RNF169: variants seen among roughly 807,000 people sequenced by gnomAD.
RNF169 encodes the protein ring finger protein 169.
In RNF169, 24 loss-of-function variants were observed where a neutral mutation model predicts 53.9. The observed-to-expected ratio is 0.45, with a 90% CI of 0.32 to 0.63. RNF169 has a LOEUF of 0.63. RNF169 is among the 20% of genes least tolerant of loss of function. The pLI is 0.04. For missense variants in RNF169, 883 were observed against 906.2 expected, an observed-to-expected ratio of 0.97 and a Z score of 0.33; for synonymous variants, 396 against 363.5, an observed-to-expected ratio of 1.09 and a Z score of -1.02.
chr11:74,799,492 TACTC>T (rs1259332228), intron 2 of RNF169, among the ~76,000 whole-genome samples: 10 of 152,190 alleles, frequency 6.6e-5, no homozygotes, highest in Non-Finnish European at 1.2e-4. Flanking sequence ...AATAGCAGGT[TACTC>T]AGGTTATTTC....
intron 1 of RNF169, among the ~76,000 whole-genome samples, chr11:74,778,681 C>T (rs140392208): frequency 1.3e-5 from 2 of 152,298 alleles, no homozygotes; most frequent in East Asian, 1.9e-4. Context: ...AGTATTTTTA[C>T]GTAGCAGCCT....
intron 1 of RNF169, among the ~76,000 whole-genome samples, chr11:74,757,057 T>A (rs946867606): frequency 2.0e-5 from 3 of 147,462 alleles, no homozygotes; most frequent in African/African-American, 7.7e-5. Context: ...GCAGGTTAGT[T>A]ACATATGTAT....
intron 2 of RNF169, among the ~76,000 whole-genome samples, chr11:74,804,358 A>T (rs76510555): frequency 0.021 from 3,233 of 152,318 alleles, 113 homozygotes; most frequent in African/African-American, 0.074. Context: ...TTTGTAAAAT[A>T]ACAATTTGTG....
At position 74,749,276 on chromosome 11, in the gene RNF169, C is replaced by T. The variant is rs1419156523; in HGVS notation, c.396C>T (p.Cys132=). Residue 132 remains cysteine, a synonymous_variant, in exon 1 of 6, where the codon TGC becomes TGT. Coordinates refer to ENST00000299563, the MANE Select transcript of RNF169 (RefSeq NM_001098638.2). Reference sequence around the variant, plus strand: ...CCGACTCAGAGGTGCTGGGCGAGTGCGCCCGCCGCAGCCAACCCGAGCGCT... The same window carrying T: ...CCGACTCAGAGGTGCTGGGCGAGTGTGCCCGCCGCAGCCAACCCGAGCGCT... The part of the protein sequence containing the change: ...GQADSEVLGE[C]ARRSQPERCR... 8.7e-7 allele frequency: 1 copy of T among 1,144,682 alleles called. No homozygotes were observed. The highest frequency in any genetic ancestry group is 1.1e-6 in the Non-Finnish European group (1 of 933,082). 70.9% of individuals were successfully genotyped at this position (1,144,682 alleles called of 1,614,324 possible). A position where few individuals can be genotyped will look rare whatever the true frequency, so the allele number is the denominator to read the frequency against.
chr11:74,834,911 C>T (rs2036230804), intron 5 of RNF169, 136 bp downstream of exon 5: 1 of 569,642 alleles, frequency 1.8e-6, no homozygotes. Context: ...TGGAGAAGTC[C>T]ACAAACAGAT....
intron 1 of RNF169, among the ~76,000 whole-genome samples, chr11:74,782,444 A>G (rs983017425): frequency 3.3e-5 from 5 of 152,194 alleles, no homozygotes; most frequent in African/African-American, 4.8e-5. Flanking sequence ...TGTGCATGCA[A>G]GGGATCTAGG....
At position 74,748,951 on chromosome 11, in the gene RNF169, G is replaced by C. The variant is rs754811325; in HGVS notation, c.71G>C (p.Arg24Pro). ...GCAGCCGCTCTGAGTCGGCGGGGCC[G>C]GCGGGGCCGCTGTGACGAGACGGCG... The part of the protein sequence containing the change: ...AAAAALSRRG[R>P]RGRCDETAAA... The change falls in exon 1 of 6, where the codon CGG (arginine) becomes CCG (proline). Residue 24 changes from arginine to proline, a missense_variant. By Grantham distance (103) the Arg-to-Pro change is moderately radical. Coordinates refer to ENST00000299563, the MANE Select transcript of RNF169 (RefSeq NM_001098638.2). 1.4e-6 allele frequency: 2 copies of C among 1,466,130 alleles called. No individual in the cohort carries two copies. The highest frequency in any genetic ancestry group is 2.9e-5 in the East Asian group (1 of 34,610). 90.8% of individuals were successfully genotyped at this position (1,466,130 alleles called of 1,614,324 possible).
chr11:74,791,740 C>T (rs557372139), intron 2 of RNF169, among the ~76,000 whole-genome samples: 95 of 152,298 alleles, frequency 6.2e-4, no homozygotes, highest in African/African-American at 2.0e-3. Context: ...GAGGTAGGGG[C>T]GCATCCTGGG....
intron 1 of RNF169, among the ~76,000 whole-genome samples, chr11:74,776,703 C>A (rs1218954988): frequency 1.3e-5 from 2 of 152,086 alleles, no homozygotes; most frequent in African/African-American, 4.8e-5. Context: ...GTAATTCTCT[C>A]TGGGTTAGTG....
intron 2 of RNF169, among the ~76,000 whole-genome samples, chr11:74,809,163 A>G (rs2035842075): frequency 6.6e-6 from 1 of 152,118 alleles, no homozygotes; most frequent in East Asian, 1.9e-4. Flanking sequence ...CCTATCAAAA[A>G]TATCCATTTG....
intron 1 of RNF169, among the ~76,000 whole-genome samples, chr11:74,767,812 C>T (rs1238104755): frequency 2.0e-5 from 3 of 151,874 alleles, no homozygotes; most frequent in African/African-American, 4.8e-5. Context: ...CTCCTGACCT[C>T]GTGATCCGCC....
chr11:74,827,482 G>T (rs1208293490), intron 4 of RNF169, among the ~76,000 whole-genome samples: 1 of 152,140 alleles, frequency 6.6e-6, no homozygotes, highest in East Asian at 1.9e-4. Flanking sequence ...GCAAATTTCT[G>T]CAGCTGAGTT....
chr11:74,832,509 T>A (rs1454953346), intron 4 of RNF169: 3 of 152,162 alleles, frequency 2.0e-5, no homozygotes, highest in Admixed American at 2.0e-4. Flanking sequence ...AGCCTGTTTT[T>A]AAAAATTAAG....
Position 74,836,868 on chromosome 11 carries a change from T to C in RNF169, c.*138T>C. 3.0e-6 allele frequency: 2 copies of C among 664,830 alleles called. No individual in the cohort carries two copies. Among genetic ancestry groups the C allele is most frequent in the South Asian group, 2.1e-5 (1 of 48,630 alleles). The allele number at this position is 664,830 out of a possible 1,614,324, so 41.2% of individuals were successfully genotyped here. A position where few individuals can be genotyped will look rare whatever the true frequency, so the allele number is the denominator to read the frequency against. ...TGGTTCTGAGAGGTTCCAGGGCCTT[T>C]GTAGTCAATATCCAAGGGAAAAGCA... On this transcript the variant is annotated 3_prime_UTR_variant, in exon 6 of 6. Coordinates refer to ENST00000299563, the MANE Select transcript of RNF169 (RefSeq NM_001098638.2).
intron 1 of RNF169, among the ~76,000 whole-genome samples, chr11:74,766,361 G>GTGAT (rs1244490029): frequency 2.0e-5 from 3 of 152,150 alleles, no homozygotes; most frequent in Non-Finnish European, 2.9e-5. Flanking sequence ...CAACAGAGGG[G>GTGAT]TGATTCATGG....
chr11:74,789,099 T>A (rs527690022), intron 1 of RNF169, among the ~76,000 whole-genome samples: 48 of 152,356 alleles, frequency 3.2e-4, no homozygotes, highest in African/African-American at 1.0e-3. Context: ...ATGGAATGTT[T>A]GCCTTCCAAA....
chr11:74,800,568 G>T (rs2035715026), intron 2 of RNF169, among the ~76,000 whole-genome samples: 1 of 152,086 alleles, frequency 6.6e-6, no homozygotes, highest in South Asian at 2.1e-4. Context: ...GTAAAATAGT[G>T]CCTGGTCCAT....
Position 74,817,469 on chromosome 11 carries a change from G to A in RNF169, c.724-127G>A, listed in dbSNP as rs1475073010. The A allele has an allele frequency of 7.6e-6, 5 of 660,100 alleles. No homozygotes were observed. The African/African-American group carries it at 9.0e-5, about 12-fold the overall frequency. 40.9% of individuals were successfully genotyped at this position (660,100 alleles called of 1,614,324 possible). On this transcript the variant is annotated intron_variant, in intron 3 of 5. Transcript: ENST00000299563. ...ACATTTGAGATTGGTATCTCCAGGA[G>A]GCAGTTGGAAACATAGGTTGGAGCT...
chr11:74,817,603 C>A lies in RNF169; in HGVS notation c.731C>A (p.Ala244Glu). Residue 244 changes from alanine to glutamate, a missense_variant, in exon 4 of 6, where the codon GCA becomes GAA. By Grantham distance (107) the Ala-to-Glu change is moderately radical (BLOSUM62 -1). Around this residue, in one of 3 missense-constraint regions of RNF169, gnomAD observed 219 missense variants for 289.1 expected, o/e 0.76. Transcript: ENST00000299563. The part of the protein sequence containing the change: ...VLKTNLERCP[A>E]RLSDSENEEP... The stretch of plus-strand genomic sequence containing the variant: ...CCCTTGTCTCCCTGCCAGTGTCCTG[C>A]ACGTCTCTCAGATTCAGAGAATGAA... 6.2e-7 allele frequency: 1 copy of A among 1,606,736 alleles called. No individual in the cohort carries two copies.
Sources: allele counts gnomAD v4.1 joint callset (sites outside exome capture counted in the v4.1 genomes callset), GRCh38; gene constraint gnomAD v4.1.1; regional missense constraint gnomAD v4.1.1; transcripts MANE v1.5; gene names NCBI Gene and HGNC (gene_info 2026-07-23, HGNC 2026-07-21).